SMAD2: variants seen among roughly 807,000 people sequenced by gnomAD.
SMAD2 encodes the protein MAD homolog 2.
In SMAD2, 8 loss-of-function variants were observed where a neutral mutation model predicts 64.4. The observed-to-expected ratio is 0.12, with a 90% CI of 0.07 to 0.22. The LOEUF (loss-of-function observed/expected upper bound fraction) is 0.22. SMAD2 is among the 10% of genes least tolerant of loss of function. The pLI is 1.00. For synonymous variants in SMAD2, 203 were observed against 195.8 expected (o/e 1.04, Z -0.31); for missense variants, 289 against 561.2 (o/e 0.51, Z 4.90).
At chr18:47,857,838 A>T (rs1264399151) in intron 6 of SMAD2, among the ~76,000 whole-genome samples, 2 of 152,240 alleles carry the variant, frequency 1.3e-5, no homozygotes, top group African/African-American at 4.8e-5. Flanking sequence ...TTAGCTGAGT[A>T]CATGTTAGCA....
In SMAD2 at chr18:47,870,445, C is replaced by CT. The variant is rs769899789; in HGVS notation, c.326+29dup. ...AATATACCCCCCTCCCACAAGATCT[C>CT]TAAGATTCGACAGAGGGCAGAATAT... On this transcript the variant is annotated intron_variant, in intron 3 of 10. Transcript: ENST00000262160. 4.6e-6 allele frequency: 7 copies of CT among 1,531,386 alleles called. No homozygotes were observed. The South Asian group carries it at 7.8e-5, about 17-fold the overall frequency. The allele number at this position is 1,531,386 out of a possible 1,614,324, so 94.9% of individuals were successfully genotyped here. A position where few individuals can be genotyped will look rare whatever the true frequency, so the allele number is the denominator to read the frequency against.
chr18:47,884,910 G>A (rs2032802113), intron 2 of SMAD2, among the ~76,000 whole-genome samples: 3 of 151,964 alleles, frequency 2.0e-5, no homozygotes, highest in African/African-American at 4.8e-5. Context: ...CTGAGATACC[G>A]TTTGATATTT....
chr18:47,926,005 G>A (rs1269420532), intron 1 of SMAD2, among the ~76,000 whole-genome samples: 2 of 152,188 alleles, frequency 1.3e-5, no homozygotes, highest in African/African-American at 4.8e-5. Context: ...CAAAGCACAA[G>A]TGAAAATTTA....
At chr18:47,894,859 A>G (rs746685447) in intron 2 of SMAD2, among the ~76,000 whole-genome samples, 2 of 152,214 alleles carry the variant, frequency 1.3e-5, no homozygotes, top group African/African-American at 2.4e-5. Flanking sequence ...CCCAAGCACT[A>G]CACAATGAAG....
At chr18:47,881,293 G>A (rs550889869) in intron 2 of SMAD2, among the ~76,000 whole-genome samples, 2 of 152,226 alleles carry the variant, frequency 1.3e-5, no homozygotes, top group South Asian at 4.1e-4. Flanking sequence ...CAAGGTTTCA[G>A]CATTTTAAGC....
intron 1 of SMAD2, among the ~76,000 whole-genome samples, chr18:47,917,401 G>A (rs1044415480): frequency 2.0e-5 from 3 of 151,966 alleles, no homozygotes; most frequent in African/African-American, 2.4e-5. Flanking sequence ...ACAGTTGGTT[G>A]GATTTTTTAA....
intron 2 of SMAD2, among the ~76,000 whole-genome samples, chr18:47,891,579 T>C (rs1411022670): frequency 6.6e-6 from 1 of 151,870 alleles, no homozygotes; most frequent in East Asian, 1.9e-4. Context: ...GCAGTGGCTG[T>C]TCACAGATGT....
chr18:47,872,918 A>G (rs921207107), intron 2 of SMAD2, among the ~76,000 whole-genome samples: 2 of 152,172 alleles, frequency 1.3e-5, no homozygotes, highest in African/African-American at 4.8e-5. Flanking sequence ...ATGCCATTTT[A>G]TTTTTAAAAT....
intron 6 of SMAD2, among the ~76,000 whole-genome samples, chr18:47,861,662 C>T (rs368156846): frequency 1.1e-4 from 16 of 152,248 alleles, no homozygotes; most frequent in African/African-American, 3.6e-4. Flanking sequence ...CAAACCTGAC[C>T]CCTCATTTTT....
rs16958554 is a variant in SMAD2 at position 47,865,368 on chromosome 18, T to C, written c.656-235A>G. Among the ~76,000 whole-genome samples, 2,606 of 152,316 alleles carry C rather than the reference T, an allele frequency of 0.017. 67 individuals carry two copies. The highest frequency in any genetic ancestry group is 0.058 in the African/African-American group (2,428 of 41,558). Reference sequence around the variant, plus strand: ...TCCTACTCTCTGGACATACACATTATGTACGTATCTTGCTCATTCCTATAT... The same window carrying C: ...TCCTACTCTCTGGACATACACATTACGTACGTATCTTGCTCATTCCTATAT... On this transcript the variant is annotated intron_variant, in intron 5 of 10. Coordinates refer to ENST00000262160, the MANE Select transcript of SMAD2 (RefSeq NM_005901.6).
At chr18:47,855,678 G>C (rs894083687) in intron 6 of SMAD2, among the ~76,000 whole-genome samples, 2 of 152,106 alleles carry the variant, frequency 1.3e-5, no homozygotes, top group African/African-American at 2.4e-5. Context: ...TTGGAGGGCA[G>C]TGTCACAATC....
chr18:47,910,374 T>C (rs1353175031), intron 1 of SMAD2, among the ~76,000 whole-genome samples: 3 of 105,610 alleles, frequency 2.8e-5, no homozygotes, highest in Admixed American at 1.1e-4. Context: ...TAGGACAATC[T>C]AGCTATATAT....
At chr18:47,924,248 C>CAA (rs201933597) in intron 1 of SMAD2, among the ~76,000 whole-genome samples, 5,571 of 99,426 alleles carry the variant, frequency 0.056, 386 homozygotes, top group Admixed American at 0.21. Context: ...AACTCCGTCT[C>CAA]AAAAAAAAAA....
intron 1 of SMAD2, among the ~76,000 whole-genome samples, chr18:47,919,322 A>AT (rs1370376555): frequency 6.6e-6 from 1 of 151,974 alleles, no homozygotes; most frequent in Admixed American, 6.6e-5. Flanking sequence ...GTCCTGAAGA[A>AT]TATGTCTCAT....
rs1249708236 is a variant in SMAD2 at position 47,822,257 on chromosome 18, T to C, written c.*19570A>G. The stretch of plus-strand genomic sequence containing the variant: ...GTTATGGTAAACTCTCATCAGATTT[T>C]TAATCATGGTTATTCTAAGTTTTTG... On this transcript the variant is annotated 3_prime_UTR_variant, in exon 11 of 11. Coordinates refer to ENST00000262160, the MANE Select transcript of SMAD2 (RefSeq NM_005901.6). The C allele has an allele frequency of 6.6e-6, 1 of 152,246 alleles. No individual in the cohort carries two copies. Among genetic ancestry groups the C allele is most frequent in the Non-Finnish European group, 1.5e-5 (1 of 68,042 alleles). The allele number at this position is 152,246 out of a possible 1,614,324, so 9.4% of individuals were successfully genotyped here. A position where few individuals can be genotyped will look rare whatever the true frequency, so the allele number is the denominator to read the frequency against.
rs1371128775 is a variant in SMAD2 at position 47,835,510 on chromosome 18, C to T, written c.*6317G>A. On this transcript the variant is annotated 3_prime_UTR_variant, in exon 11 of 11. Coordinates refer to ENST00000262160, the MANE Select transcript of SMAD2 (RefSeq NM_005901.6). ...AAACAAATGTTTTCTTAGGGACTTACTGAGAAAAGAAAAAACTTACTGGGA... is the reference window on the plus strand; with the variant it reads ...AAACAAATGTTTTCTTAGGGACTTATTGAGAAAAGAAAAAACTTACTGGGA... 3 of 195,374 alleles carry T rather than the reference C, an allele frequency of 1.5e-5. No individual in the cohort carries two copies. Among genetic ancestry groups the T allele is most frequent in the Admixed American group, 6.1e-5 (1 of 16,462 alleles). 12.1% of individuals were successfully genotyped at this position (195,374 alleles called of 1,614,324 possible). A position where few individuals can be genotyped will look rare whatever the true frequency, so the allele number is the denominator to read the frequency against.
At chr18:47,875,185 A>C (rs1568071692) in intron 2 of SMAD2, among the ~76,000 whole-genome samples, 1 of 152,070 alleles carries the variant, frequency 6.6e-6, no homozygotes, top group Non-Finnish European at 1.5e-5. Flanking sequence ...CCACCTTTTA[A>C]CTTTACTACT....
intron 1 of SMAD2, among the ~76,000 whole-genome samples, chr18:47,914,782 C>T (rs1290894949): frequency 6.6e-6 from 1 of 151,840 alleles, no homozygotes; most frequent in Non-Finnish European, 1.5e-5. Flanking sequence ...TCAGGGTGAC[C>T]CCCCTTCCTT....
intron 2 of SMAD2, among the ~76,000 whole-genome samples, chr18:47,881,148 T>G (rs75874618): frequency 0.068 from 10,337 of 152,256 alleles, 513 homozygotes; most frequent in Non-Finnish European, 0.11. Flanking sequence ...ATGCCTATTT[T>G]TGTTTATTCT....
Sources: allele counts gnomAD v4.1 joint callset (sites outside exome capture counted in the v4.1 genomes callset), GRCh38; gene constraint gnomAD v4.1.1; transcripts MANE v1.5; gene names NCBI Gene and HGNC (gene_info 2026-07-23, HGNC 2026-07-21).